Variants in WDPCP observed in about 807,000 individuals in gnomAD.
The protein encoded by WDPCP is WD repeat containing planar cell polarity effector.
Under a neutral mutation model 93.1 loss-of-function variants are expected in WDPCP, and 71 were observed. The ratio of observed to expected loss-of-function variants is 0.76; its 90% CI spans 0.63 to 0.93. The LOEUF is 0.93. WDPCP is among the 40% of genes least tolerant of loss of function. The probability of loss-of-function intolerance (pLI) is 0.00; values close to 1 mark genes in which losing one functional copy is unlikely to be tolerated. For missense variants in WDPCP, 844 were observed against 887.4 expected (o/e 0.95, Z 0.62); for synonymous variants, 315 against 315.0 (o/e 1.00, Z 0.00).
At chr2:63,643,824 T>C in intron 3 of WDPCP, 1 of 543,582 alleles carries the variant, frequency 1.8e-6, no homozygotes, top group Non-Finnish European at 3.7e-6. Context: ...GTTTGGACCT[T>C]TCCATTGATC....
chr2:63,642,862 T>C (rs1396339115), intron 3 of WDPCP: 1 of 152,210 alleles, frequency 6.6e-6, no homozygotes, highest in Non-Finnish European at 1.5e-5. Context: ...ATATGTTTAA[T>C]AACAGTGACA....
intron 2 of WDPCP, chr2:63,684,326 T>C: frequency 1.6e-6 from 1 of 641,300 alleles, no homozygotes; most frequent in Middle Eastern, 4.9e-4. Flanking sequence ...TCATGAAACC[T>C]GGGAAGGTGT....
chr2:63,214,165 A>G (rs1028193293), intron 14 of WDPCP, among the ~76,000 whole-genome samples: 1 of 152,218 alleles, frequency 6.6e-6, no homozygotes, highest in Admixed American at 6.5e-5. Flanking sequence ...CAGAGACACA[A>G]CAAAAAAAGA....
intron 2 of WDPCP, among the ~76,000 whole-genome samples, chr2:63,680,384 G>A (rs1710477804): frequency 6.6e-6 from 1 of 152,208 alleles, no homozygotes; most frequent in East Asian, 1.9e-4. Flanking sequence ...TGTGCTTACA[G>A]GAGAGACAGC....
chr2:63,124,382 C>T (rs1028981231), intron 17 of WDPCP, among the ~76,000 whole-genome samples: 6 of 151,830 alleles, frequency 4.0e-5, no homozygotes, highest in Non-Finnish European at 7.4e-5. Context: ...TTTACAGCAA[C>T]GAAAGGGTTT....
chr2:63,440,542 C>A (rs1435677523), intron 6 of WDPCP: 10 of 152,290 alleles, frequency 6.6e-5, no homozygotes, highest in Admixed American at 6.6e-4. Flanking sequence ...AACCACTCAA[C>A]AAAAGATGAT....
chr2:63,459,454 A>G (rs1022261556), intron 6 of WDPCP, among the ~76,000 whole-genome samples: 2 of 152,368 alleles, frequency 1.3e-5, no homozygotes, highest in East Asian at 1.9e-4. Flanking sequence ...GACAAGAGGT[A>G]TATGACTAAC....
intron 1 of WDPCP, among the ~76,000 whole-genome samples, chr2:63,512,021 G>T (rs1257247519): frequency 6.6e-6 from 1 of 152,110 alleles, no homozygotes; most frequent in Non-Finnish European, 1.5e-5. Context: ...CTAATATCCA[G>T]AATCTACAAA....
intron 12 of WDPCP, among the ~76,000 whole-genome samples, chr2:63,319,131 T>G (rs999403380): frequency 1.3e-5 from 2 of 152,132 alleles, no homozygotes; most frequent in Non-Finnish European, 2.9e-5. Flanking sequence ...TCCTCCAATT[T>G]GTCGATTTTT....
intron 2 of WDPCP, among the ~76,000 whole-genome samples, chr2:63,785,675 A>T (rs140301029): frequency 9.9e-5 from 15 of 152,270 alleles, no homozygotes; most frequent in African/African-American, 3.4e-4. Flanking sequence ...AAATGCATGC[A>T]GTCTTCAACT....
At chr2:63,690,364 T>G (rs1387832654) in intron 2 of WDPCP, among the ~76,000 whole-genome samples, 1 of 152,182 alleles carries the variant, frequency 6.6e-6, no homozygotes, top group Non-Finnish European at 1.5e-5. Flanking sequence ...AGATATTTAA[T>G]CCCTATTTAA....
chr2:63,592,685 T>A (rs147203299), upstream of WDPCP, among the ~76,000 whole-genome samples: 122 of 152,342 alleles, frequency 8.0e-4, no homozygotes, highest in African/African-American at 2.4e-3. Flanking sequence ...TCTTAAAAAA[T>A]TTTTTAAAGC....
chr2:63,682,403 C>T lies in WDPCP; in HGVS notation n.309-31565G>A, dbSNP rs116002315. Among the ~76,000 whole-genome samples the T allele has an allele frequency of 4.2e-3, 643 of 152,070 alleles. 3 individuals carry two copies. Among genetic ancestry groups the T allele is most frequent in the Non-Finnish European group, 5.8e-3 (393 of 68,006 alleles). ...AATATGCAATAGGCATACTGAAGAA[C>T]GCATCAGAATCTTTTAATAGCAGAA... On this transcript the variant is annotated intron_variant and non_coding_transcript_variant, in intron 2 of 4. Coordinates refer to the WDPCP transcript ENST00000467687.
intron 12 of WDPCP, among the ~76,000 whole-genome samples, chr2:63,328,499 CTGTAACA>C (rs1277437879): frequency 1.1e-4 from 17 of 152,098 alleles, no homozygotes; most frequent in Non-Finnish European, 2.9e-5. Flanking sequence ...CCTTTAAGAG[CTGTAACA>C]CTCACTGTGA....
At chr2:63,257,052 T>G (rs2104756989) in intron 14 of WDPCP, among the ~76,000 whole-genome samples, 1 of 152,312 alleles carries the variant, frequency 6.6e-6, no homozygotes, top group South Asian at 2.1e-4. Flanking sequence ...TGTGCACTTT[T>G]CTGTATGCAT....
At chr2:63,277,464 A>G (rs1400168408) in intron 13 of WDPCP, among the ~76,000 whole-genome samples, 4 of 152,238 alleles carry the variant, frequency 2.6e-5, no homozygotes, top group South Asian at 2.1e-4. Context: ...GAATGGCAGA[A>G]TGCATAAGAA....
intron 3 of WDPCP, among the ~76,000 whole-genome samples, chr2:63,615,462 G>T (rs1418322272): frequency 6.6e-6 from 1 of 152,164 alleles, no homozygotes; most frequent in Non-Finnish European, 1.5e-5. Context: ...CATAATAAAA[G>T]GTAGGGGTGG....
intron 17 of WDPCP, among the ~76,000 whole-genome samples, chr2:63,131,777 C>T (rs1574678459): frequency 6.7e-6 from 1 of 149,890 alleles, no homozygotes; most frequent in South Asian, 2.1e-4. Flanking sequence ...CATCTTTTAT[C>T]TGGGAATGTC....
At chr2:63,749,336 A>G (rs372541844) in intron 2 of WDPCP, among the ~76,000 whole-genome samples, 3 of 152,060 alleles carry the variant, frequency 2.0e-5, no homozygotes, top group African/African-American at 7.2e-5. Flanking sequence ...CTTCTCCAAG[A>G]TCCCTTCCTC....
Sources: allele counts gnomAD v4.1 joint callset (sites outside exome capture counted in the v4.1 genomes callset), GRCh38; gene constraint gnomAD v4.1.1; transcripts MANE v1.5; gene names NCBI Gene and HGNC (gene_info 2026-07-23, HGNC 2026-07-21).